F11R: variants seen among roughly 807,000 people sequenced by gnomAD.
F11R encodes the protein junctional adhesion molecule A.
Under a neutral mutation model 39.3 loss-of-function variants are expected in F11R, and 27 were observed. The ratio of observed to expected loss-of-function variants is 0.69; its 90% CI spans 0.51 to 0.95. The LOEUF (loss-of-function observed/expected upper bound fraction) is 0.95, where lower values mean the gene tolerates loss of function less well. Among genes scored for constraint, F11R ranks in the 40% least tolerant of loss-of-function variants. F11R has a pLI of 0.00. For missense variants in F11R, 335 were observed against 372.7 expected (o/e 0.90, Z 0.83); for synonymous variants, 131 against 144.9 (o/e 0.90, Z 0.69).
intron 1 of F11R, among the ~76,000 whole-genome samples, chr1:161,009,879 G>A (rs1359331584): frequency 6.6e-6 from 1 of 151,996 alleles, no homozygotes; most frequent in Non-Finnish European, 1.5e-5. Context: ...GGAGGTGGAG[G>A]CTGCAGTGAG....
chr1:161,002,147 A>G (rs541550883), intron 1 of F11R, among the ~76,000 whole-genome samples: 1 of 151,890 alleles, frequency 6.6e-6, no homozygotes, highest in Admixed American at 6.6e-5. Context: ...CTGTAGTCCC[A>G]GCTACTTGGG....
chr1:160,999,465 G>C, intron 7 of F11R, 57 bp from the exon 8 acceptor site: 1 of 1,613,028 alleles, frequency 6.2e-7, no homozygotes, highest in Non-Finnish European at 8.5e-7. Flanking sequence ...AGCATGGCTT[G>C]GGAAGATGGA....
At chr1:161,016,671 T>C (rs1383730857) in intron 1 of F11R, among the ~76,000 whole-genome samples, 2 of 148,080 alleles carry the variant, frequency 1.4e-5, no homozygotes, top group South Asian at 4.2e-4. Context: ...AAAAAAAAAG[T>C]GATCTGGAGC....
intron 1 of F11R, among the ~76,000 whole-genome samples, chr1:161,004,653 G>T (rs1275435466): frequency 1.3e-5 from 2 of 151,992 alleles, no homozygotes; most frequent in African/African-American, 2.4e-5. Flanking sequence ...AGGTTACAGT[G>T]AGCTACAATC....
At chr1:161,000,594 T>C (rs751944419) in intron 4 of F11R, 37 bp downstream of exon 4, 3 of 1,613,376 alleles carry the variant, frequency 1.9e-6, no homozygotes, top group Non-Finnish European at 2.5e-6. Context: ...GAGAAGTAAC[T>C]AACTCCAGGC....
Position 161,001,039 on chromosome 1 carries a change from G to A in F11R, c.222C>T (p.Cys74=), listed in dbSNP as rs1648450974. The A allele has an allele frequency of 1.9e-6, 3 of 1,614,070 alleles. No homozygotes were observed. The highest frequency in any genetic ancestry group is 3.3e-4 in the Middle Eastern group (2 of 6,062). Residue 74 remains cysteine, a synonymous_variant, in exon 3 of 10, where the codon TGC becomes TGT. Transcript: ENST00000368026. ...FDQGDTTRLV[C]YNNKITASYE... ...ACTCACCTGTGATCTTGTTATTATA[G>A]CAAACGAGTCTGGTGGTGTCTCCTT...
intron 1 of F11R, among the ~76,000 whole-genome samples, chr1:161,010,357 T>C (rs1649069765): frequency 6.8e-6 from 1 of 146,582 alleles, no homozygotes; most frequent in East Asian, 2.1e-4. Context: ...GGCAGGAGAA[T>C]TGCTTGAAGC....
At chr1:160,999,827 G>C in intron 6 of F11R, 49 bp downstream of exon 6, 2 of 1,607,602 alleles carry the variant, frequency 1.2e-6, no homozygotes, top group Non-Finnish European at 1.7e-6. Flanking sequence ...AGGATGAAAA[G>C]CAGACCCCAA....
At chr1:161,005,278 CCCTCCTT>C (rs1469248155) in intron 1 of F11R, among the ~76,000 whole-genome samples, 1 of 151,420 alleles carries the variant, frequency 6.6e-6, no homozygotes, top group African/African-American at 2.4e-5. Context: ...CTCCCTTCCT[CCCTCCTT>C]CCTCCTTCCC....
intron 1 of F11R, among the ~76,000 whole-genome samples, chr1:161,009,736 T>A: frequency 6.6e-6 from 1 of 151,614 alleles, no homozygotes; most frequent in South Asian, 2.1e-4. Context: ...GGGAGGCCGA[T>A]GTGGGTGGAT....
chr1:161,017,982 G>A lies in F11R; in HGVS notation c.64+3028C>T, dbSNP rs559714827. ...TGATACCACACTCAAGGAAGGGCAG[G>A]GGAGCAAATGCCAGCATTCCAACCC... is the stretch of plus-strand genomic sequence containing the variant. On this transcript the variant is annotated intron_variant, in intron 1 of 9. Coordinates refer to ENST00000368026, the MANE Select transcript of F11R (RefSeq NM_016946.6). Among the ~76,000 whole-genome samples the A allele has an allele frequency of 2.0e-5, 3 of 152,306 alleles. No individual in the cohort carries two copies. In the East Asian group the frequency reaches 5.8e-4, roughly 29 times the overall value.
At chr1:161,016,519 T>C (rs930043441) in intron 1 of F11R, among the ~76,000 whole-genome samples, 11 of 151,302 alleles carry the variant, frequency 7.3e-5, no homozygotes, top group Admixed American at 6.6e-5. Context: ...TAGCCGGGCG[T>C]GGTGGCGCGT....
chr1:161,004,347 G>A (rs969992646), intron 1 of F11R, among the ~76,000 whole-genome samples: 1 of 152,134 alleles, frequency 6.6e-6, no homozygotes, highest in Non-Finnish European at 1.5e-5. Context: ...ATCACTTGAG[G>A]TCAAGAGTTT....
At chr1:160,999,345 A>G (rs150839307) in intron 8 of F11R, 51 bp downstream of exon 8, 23 of 1,613,076 alleles carry the variant, frequency 1.4e-5, no homozygotes, top group Middle Eastern at 3.3e-4. Context: ...TTCAAACCAC[A>G]TGCATCCATG....
At chr1:161,015,856 G>A (rs1649436952) in intron 1 of F11R, among the ~76,000 whole-genome samples, 1 of 151,950 alleles carries the variant, frequency 6.6e-6, no homozygotes, top group South Asian at 2.1e-4. Flanking sequence ...GGGTGAACAG[G>A]AGCAACATGG....
At chr1:161,011,134 G>A (rs567402815) in intron 1 of F11R, among the ~76,000 whole-genome samples, 45 of 152,036 alleles carry the variant, frequency 3.0e-4, no homozygotes, top group South Asian at 1.5e-3. Flanking sequence ...CCAGGTTCAA[G>A]AGATTCTCCT....
chr1:161,018,516 G>A (rs555070982), intron 1 of F11R, among the ~76,000 whole-genome samples: 1 of 152,172 alleles, frequency 6.6e-6, no homozygotes, highest in Non-Finnish European at 1.5e-5. Context: ...ATCCACAGGG[G>A]ATAACAGCTG....
rs1648367795 is a variant in F11R at position 160,999,922 on chromosome 1, A to G, written c.648T>C (p.Asn216=). The G allele has an allele frequency of 1.2e-6, 2 of 1,614,104 alleles. No individual in the cohort carries two copies. Among genetic ancestry groups the G allele is most frequent in the African/African-American group, 1.3e-5 (1 of 74,936 alleles). ...DTGEYSCEAR[N]GYGTPMTSNA... ...TTGAAGTCATGGGTGTCCCATACCCATTCCGTGCCTCACAGCTGTATTCTC... is the reference window on the plus strand; with the variant it reads ...TTGAAGTCATGGGTGTCCCATACCCGTTCCGTGCCTCACAGCTGTATTCTC... Residue 216 remains asparagine, a synonymous_variant, in exon 6 of 10, where the codon AAT becomes AAC. Transcript: ENST00000368026.
chr1:161,006,739 A>G (rs140346124), intron 1 of F11R, among the ~76,000 whole-genome samples: 28 of 152,250 alleles, frequency 1.8e-4, no homozygotes, highest in Middle Eastern at 6.8e-3. Context: ...GTGATTGCCT[A>G]TCACATCATG....
Sources: allele counts gnomAD v4.1 joint callset (sites outside exome capture counted in the v4.1 genomes callset), GRCh38; gene constraint gnomAD v4.1.1; transcripts MANE v1.5; gene names NCBI Gene and HGNC (gene_info 2026-07-23, HGNC 2026-07-21).